CELF2: variants seen among roughly 807,000 people sequenced by gnomAD.
CELF2 encodes the protein CUG triplet repeat RNA-binding protein 2.
In CELF2, 8 loss-of-function variants were observed where a neutral mutation model predicts 62.6. The ratio of observed to expected loss-of-function variants is 0.13; its 90% confidence interval spans 0.07 to 0.23. The LOEUF (loss-of-function observed/expected upper bound fraction) is 0.23. Among genes scored for constraint, CELF2 ranks in the 10% least tolerant of loss-of-function variants. CELF2 has a pLI of 1.00. For synonymous variants in CELF2, 258 were observed against 250.0 expected, an observed-to-expected ratio of 1.03 and a Z score of -0.30; for missense variants, 333 against 671.0, an observed-to-expected ratio of 0.50 and a Z score of 5.56.
intron 2 of CELF2, among the ~76,000 whole-genome samples, chr10:11,201,411 T>TTG (rs375374480): frequency 4.6e-5 from 7 of 152,130 alleles, no homozygotes; most frequent in South Asian, 4.2e-4. Context: ...TCTTTGGTTT[T>TTG]TGTGTGTGTG....
chr10:10,809,476 A>G (rs1373311213), intron 1 of CELF2, among the ~76,000 whole-genome samples: 1 of 152,146 alleles, frequency 6.6e-6, no homozygotes, highest in Non-Finnish European at 1.5e-5. Flanking sequence ...TATACTTTCC[A>G]TCTTTCTCAT....
chr10:11,189,267 A>G (rs2075754211), intron 2 of CELF2, among the ~76,000 whole-genome samples: 3 of 152,016 alleles, frequency 2.0e-5, no homozygotes, highest in African/African-American at 7.3e-5. Context: ...ACCTCTGCAG[A>G]TCTCTTTGAC....
chr10:11,312,793 T>C (rs887309088), intron 9 of CELF2, among the ~76,000 whole-genome samples: 3 of 151,968 alleles, frequency 2.0e-5, no homozygotes, highest in African/African-American at 7.3e-5. Context: ...AATTAGCCAG[T>C]CATGGTGGCA....
the CELF2 span, among the ~76,000 whole-genome samples, chr10:10,663,366 A>G: frequency 6.6e-6 from 1 of 152,242 alleles, no homozygotes; most frequent in Non-Finnish European, 1.5e-5. Flanking sequence ...CCCAAAGAAT[A>G]AAAGCACAAG....
chr10:11,087,700 C>T lies in CELF2; in HGVS notation c.74+69537C>T, dbSNP rs552410284. Among the ~76,000 whole-genome samples the T allele has an allele frequency of 1.1e-3, 173 of 152,330 alleles. 1 individual carries two copies. The highest frequency in any genetic ancestry group is 3.9e-3 in the African/African-American group (164 of 41,572). On this transcript the variant is annotated intron_variant, in intron 1 of 12. Transcript: ENST00000633077. ...TCACAACAACACATACCCACAGAAA[C>T]ATCGTCTTATAACACACGCCTTTGA...
At chr10:10,844,005 C>G (rs2058851948) in intron 1 of CELF2, among the ~76,000 whole-genome samples, 1 of 151,912 alleles carries the variant, frequency 6.6e-6, no homozygotes, top group Non-Finnish European at 1.5e-5. Flanking sequence ...TAGATGATTC[C>G]TAAGATCCTT....
chr10:10,752,383 G>A, the CELF2 span, among the ~76,000 whole-genome samples: 1 of 152,102 alleles, frequency 6.6e-6, no homozygotes, highest in Non-Finnish European at 1.5e-5. Context: ...AGGACATGAC[G>A]TTTTGTTATA....
the CELF2 span, among the ~76,000 whole-genome samples, chr10:10,650,967 A>C: frequency 1.3e-5 from 2 of 152,050 alleles, no homozygotes; most frequent in African/African-American, 2.4e-5. Context: ...TACCGGGTTC[A>C]TCTCACTAGG....
chr10:10,998,064 A>G (rs1212587940), intron 2 of CELF2, among the ~76,000 whole-genome samples: 1 of 152,208 alleles, frequency 6.6e-6, no homozygotes, highest in East Asian at 1.9e-4. Flanking sequence ...GCCACCATGT[A>G]AGATGTGACT....
the CELF2 span, among the ~76,000 whole-genome samples, chr10:10,611,719 TACACTCAAATACTCAC>T: frequency 6.6e-6 from 1 of 152,180 alleles, no homozygotes; most frequent in African/African-American, 2.4e-5. Flanking sequence ...ATTATGTACA[TACACTCAAATACTCAC>T]ACACACCTCT....
At chr10:10,906,724 T>TC (rs2063374209) in intron 1 of CELF2, among the ~76,000 whole-genome samples, 1 of 142,898 alleles carries the variant, frequency 7.0e-6, no homozygotes, top group Non-Finnish European at 1.5e-5. Flanking sequence ...TTTCTTTTTT[T>TC]TTTTTTTTTT....
chr10:10,701,489 G>C, the CELF2 span, among the ~76,000 whole-genome samples: 1 of 152,198 alleles, frequency 6.6e-6, no homozygotes, highest in African/African-American at 2.4e-5. Flanking sequence ...TGTAAGTCTT[G>C]GTTACAATGC....
the CELF2 span, among the ~76,000 whole-genome samples, chr10:10,548,303 T>C: frequency 6.6e-6 from 1 of 152,254 alleles, no homozygotes; most frequent in Non-Finnish European, 1.5e-5. Flanking sequence ...CATTTTGTTG[T>C]TGTGTTGTTT....
At chr10:10,841,571 A>G (rs1298465911) in intron 1 of CELF2, among the ~76,000 whole-genome samples, 2 of 149,346 alleles carry the variant, frequency 1.3e-5, no homozygotes, top group Non-Finnish European at 3.0e-5. Context: ...TCTATGGCCT[A>G]TATTTGTGTT....
At chr10:10,715,647 T>C in the CELF2 span, among the ~76,000 whole-genome samples, 1 of 152,146 alleles carries the variant, frequency 6.6e-6, no homozygotes, top group Non-Finnish European at 1.5e-5. Flanking sequence ...ATCCAAAACC[T>C]CTTTGGTAGA....
rs1213175953 is a variant in CELF2 at position 11,300,620 on chromosome 10, G to T, written c.976+12068G>T. Among the ~76,000 whole-genome samples, 1 of 152,186 alleles carries T rather than the reference G, an allele frequency of 6.6e-6. No individual in the cohort carries two copies. Among genetic ancestry groups the T allele is most frequent in the East Asian group, 1.9e-4 (1 of 5,196 alleles). ...GGTGTGGTTATTGTGGAATAATTAGGCCTCACGGGGGGAGAGGCGTAGTAT... is the reference window on the plus strand; with the variant it reads ...GGTGTGGTTATTGTGGAATAATTAGTCCTCACGGGGGGAGAGGCGTAGTAT... On this transcript the variant is annotated intron_variant, in intron 9 of 12. Transcript: ENST00000633077. This position sits in a 1 kb window ranked among gnomAD's most constrained non-coding sequence, Gnocchi z 5.5.
chr10:10,566,340 T>C, the CELF2 span, among the ~76,000 whole-genome samples: 2 of 151,508 alleles, frequency 1.3e-5, no homozygotes, highest in Non-Finnish European at 2.9e-5. Context: ...TTGCCAGTGA[T>C]TGTGCTGCTC....
At chr10:10,524,908 A>T in the CELF2 span, among the ~76,000 whole-genome samples, 1 of 152,212 alleles carries the variant, frequency 6.6e-6, no homozygotes, top group South Asian at 2.1e-4. Flanking sequence ...TTAAGTAAAT[A>T]TGCATGTATG....
chr10:10,489,469 T>C, the CELF2 span, among the ~76,000 whole-genome samples: 1 of 152,158 alleles, frequency 6.6e-6, no homozygotes, highest in African/African-American at 2.4e-5. Flanking sequence ...TATTGTATTT[T>C]TCATGTTTCT....
Sources: gnomAD v4.1 joint callset for allele counts (sites outside exome capture counted in the v4.1 genomes callset) on GRCh38, gnomAD v4.1.1 for gene constraint, Gnocchi (gnomAD v3.1) non-coding constraint, MANE v1.5 for transcripts, NCBI Gene and HGNC (gene_info 2026-07-23, HGNC 2026-07-21) for gene names.